The following STOM variants were observed in gnomAD, a reference collection of about 807,000 sequenced individuals.
STOM encodes the protein erythrocyte band 7 integral membrane protein.
In STOM, 25 loss-of-function variants were observed where a neutral mutation model predicts 30.6. The ratio of observed to expected loss-of-function variants is 0.82; its 90% confidence interval spans 0.60 to 1.14. STOM has a LOEUF of 1.14. Ranked by LOEUF, STOM falls within the 50% of genes most tolerant of loss-of-function variation. The pLI, the probability that STOM is intolerant of heterozygous loss-of-function variation, is 0.00. For missense variants in STOM, 292 were observed against 365.2 expected, an observed-to-expected ratio of 0.80 and a Z score of 1.63; for synonymous variants, 118 against 130.8, an observed-to-expected ratio of 0.90 and a Z score of 0.67.
At position 121,339,905 on chromosome 9, in the gene STOM, A is replaced by G. The variant is rs1324736411; in HGVS notation, c.*1297T>C. On this transcript the variant is annotated 3_prime_UTR_variant, in exon 7 of 7. Transcript: ENST00000286713. Reference sequence around the variant, plus strand: ...TCATTAGACACTATATAGTCAATATACTGTGAATTCCTTATACTATGTAAT... The same window carrying G: ...TCATTAGACACTATATAGTCAATATGCTGTGAATTCCTTATACTATGTAAT... The G allele has an allele frequency of 7.3e-6, 8 of 1,098,632 alleles. No individual in the cohort carries two copies. The highest frequency in any genetic ancestry group is 8.8e-6 in the Non-Finnish European group (8 of 904,224). The allele number at this position is 1,098,632 out of a possible 1,614,324, so 68.1% of individuals were successfully genotyped here.
chr9:121,342,482 T>C (rs904862015), intron 6 of STOM, among the ~76,000 whole-genome samples: 13 of 152,136 alleles, frequency 8.5e-5, no homozygotes, highest in African/African-American at 3.1e-4. Context: ...GGACTAAATA[T>C]GTTGCAGTAT....
In STOM at chr9:121,349,119, C is replaced by T. The variant is rs375473966; in HGVS notation, c.525+1G>A. On this transcript the variant is annotated splice_donor_variant, in intron 5 of 6. Coordinates refer to ENST00000286713, the MANE Select transcript of STOM (RefSeq NM_004099.6). LOFTEE classifies it high-confidence loss of function. ...GGTAACAGCATTGACGTACTCCCCA[C>T]CTGCATGTTGTGTGCAATTTCTTCT... 4 of 1,613,942 alleles carry T rather than the reference C, an allele frequency of 2.5e-6. No individual in the cohort carries two copies. Among genetic ancestry groups the T allele is most frequent in the East Asian group, 4.5e-5 (2 of 44,898 alleles).
In STOM at chr9:121,349,254, G is replaced by A. The variant is rs2064317392; in HGVS notation, c.391C>T (p.Leu131=). 1.9e-6 allele frequency: 3 copies of A among 1,614,004 alleles called. No homozygotes were observed. Among genetic ancestry groups the A allele is most frequent in the African/African-American group, 2.7e-5 (2 of 74,888 alleles). ...VVYYRVQNAT[L]AVANITNADS... ...GCGTTGGTGATATTTGCCACAGCCAGGGTTGCATTCTGAACGCGGTAATAG... is the reference window on the plus strand; with the variant it reads ...GCGTTGGTGATATTTGCCACAGCCAAGGTTGCATTCTGAACGCGGTAATAG... The change falls in exon 5 of 7, where the codon CTG becomes TTG. Residue 131 remains leucine, a synonymous_variant. Coordinates refer to ENST00000286713, the MANE Select transcript of STOM (RefSeq NM_004099.6).
At chr9:121,369,055 A>G (rs1416147659) in intron 1 of STOM, among the ~76,000 whole-genome samples, 1 of 152,154 alleles carries the variant, frequency 6.6e-6, no homozygotes, top group East Asian at 1.9e-4. Flanking sequence ...ATAACCTGCA[A>G]CGTTATTAGT....
chr9:121,353,677 C>T (rs1589292327), intron 3 of STOM, among the ~76,000 whole-genome samples: 1 of 152,312 alleles, frequency 6.6e-6, no homozygotes, highest in Non-Finnish European at 1.5e-5. Context: ...ACGCATGGTC[C>T]TGCATAACCC....
chr9:121,349,551 C>T (rs930479983), intron 4 of STOM, among the ~76,000 whole-genome samples: 1 of 152,154 alleles, frequency 6.6e-6, no homozygotes, highest in Non-Finnish European at 1.5e-5. Context: ...AGGCACTGTA[C>T]TAGGTACCAG....
At chr9:121,355,302 C>T (rs904411677) in intron 2 of STOM, among the ~76,000 whole-genome samples, 2 of 147,426 alleles carry the variant, frequency 1.4e-5, no homozygotes, top group Admixed American at 6.8e-5. Context: ...GCAGAAGAAT[C>T]GCTTGAACCT....
chr9:121,348,650 A>T (rs1440292521), intron 5 of STOM, among the ~76,000 whole-genome samples: 2 of 152,232 alleles, frequency 1.3e-5, no homozygotes, highest in Non-Finnish European at 2.9e-5. Context: ...TATCAAATAC[A>T]ATCATAGATT....
intron 6 of STOM, among the ~76,000 whole-genome samples, chr9:121,343,925 C>T (rs1323151525): frequency 2.6e-5 from 4 of 151,936 alleles, no homozygotes; most frequent in African/African-American, 7.3e-5. Flanking sequence ...TTAGAGTGGC[C>T]GGTGCGATTC....
chr9:121,350,071 G>A (rs534111168), intron 4 of STOM, among the ~76,000 whole-genome samples: 2 of 152,318 alleles, frequency 1.3e-5, no homozygotes, highest in East Asian at 3.9e-4. Flanking sequence ...GCACGTAAGA[G>A]CTGTCTTATT....
Position 121,364,078 on chromosome 9 carries a change from TAGA to T in STOM, c.61+6046_61+6048del, listed in dbSNP as rs370321333. ...CAGAAGCGAAGGAAAATAAGAGAAATAGAAGGAGTAAAAATGGGAGAAACAAAA... is the reference window on the plus strand; with the variant it reads ...CAGAAGCGAAGGAAAATAAGAGAAATAGGAGTAAAAATGGGAGAAACAAAA... On this transcript the variant is annotated intron_variant, in intron 1 of 6. Transcript: ENST00000286713. 3.4e-3 allele frequency among the ~76,000 whole-genome samples: 511 copies of T among 151,334 alleles called. 8 individuals are homozygous for T. The highest frequency in any genetic ancestry group is 0.012 in the African/African-American group (486 of 41,242).
intron 4 of STOM, among the ~76,000 whole-genome samples, chr9:121,351,630 G>A (rs1472892436): frequency 6.6e-6 from 1 of 152,200 alleles, no homozygotes; most frequent in Non-Finnish European, 1.5e-5. Flanking sequence ...CTTTTTCGGG[G>A]GCTATGAGGG....
chr9:121,341,518 G>A, intron 6 of STOM, 110 bp from the exon 7 acceptor site: 1 of 1,378,580 alleles, frequency 7.3e-7, no homozygotes, highest in South Asian at 1.3e-5. Context: ...ACTTTCTAGG[G>A]CGTATGCCAG....
chr9:121,340,281 TAA>T lies in STOM; in HGVS notation c.*919_*920del, dbSNP rs887297668. Reference sequence around the variant, plus strand: ...AAAATGACCACTCTAGTAGTGAATTTAAAAGTCTTTTAAGGGTTAGAGTAATC... The same window carrying T: ...AAAATGACCACTCTAGTAGTGAATTTAAGTCTTTTAAGGGTTAGAGTAATC... On this transcript the variant is annotated 3_prime_UTR_variant, in exon 7 of 7. Transcript: ENST00000286713. 1.8e-5 allele frequency: 18 copies of T among 985,352 alleles called. No individual in the cohort carries two copies. The highest frequency in any genetic ancestry group is 5.2e-4 in the Middle Eastern group (1 of 1,936). 61.0% of individuals were successfully genotyped at this position (985,352 alleles called of 1,614,324 possible). A position where few individuals can be genotyped will look rare whatever the true frequency, so the allele number is the denominator to read the frequency against.
chr9:121,349,452 T>C, intron 4 of STOM, 129 bp from the exon 5 acceptor site: 2 of 669,588 alleles, frequency 3.0e-6, no homozygotes, highest in Non-Finnish European at 5.0e-6. Context: ...AGAAAGTTAA[T>C]TATATCTTTT....
intron 1 of STOM, among the ~76,000 whole-genome samples, chr9:121,362,034 TA>T (rs1297691158): frequency 6.6e-6 from 1 of 150,990 alleles, no homozygotes; most frequent in African/African-American, 2.4e-5. Flanking sequence ...TGGTTTAGAG[TA>T]TTTTTTTTTC....
Position 121,349,294 on chromosome 9 carries a change from G to T in STOM, c.351C>A (p.Ser117Arg), listed in dbSNP as rs779357169. The change falls in exon 5 of 7, where the codon AGC becomes AGA. Residue 117 changes from serine to arginine, a missense_variant. By Grantham distance (110) the Ser-to-Arg change is moderately radical. Coordinates refer to ENST00000286713, the MANE Select transcript of STOM (RefSeq NM_004099.6). ...CGCGGTAATAGACCACACCATCCAC[G>T]CTAATTGTCACTGAATCCTTTGTGA... Reference protein sequence around the residue: ...EILTKDSVTISVDGVVYYRVQ... With the variant: ...EILTKDSVTIRVDGVVYYRVQ... 1 of 1,614,092 alleles carries T rather than the reference G, an allele frequency of 6.2e-7. No homozygotes were observed.
intron 6 of STOM, among the ~76,000 whole-genome samples, chr9:121,342,146 G>A (rs989938582): frequency 3.3e-5 from 5 of 152,160 alleles, no homozygotes; most frequent in African/African-American, 1.2e-4. Context: ...AAGGCGGGCA[G>A]ATCACTTGAG....
intron 3 of STOM, among the ~76,000 whole-genome samples, chr9:121,354,031 T>C (rs2064363502): frequency 6.6e-6 from 1 of 152,248 alleles, no homozygotes; most frequent in Admixed American, 6.5e-5. Flanking sequence ...TACCACTAGA[T>C]AGGAAGATCC....
Sources: allele counts gnomAD v4.1 joint callset (sites outside exome capture counted in the v4.1 genomes callset), GRCh38; gene constraint gnomAD v4.1.1; transcripts MANE v1.5; gene names NCBI Gene and HGNC (gene_info 2026-07-23, HGNC 2026-07-21).